Variants in MED12L observed in about 807,000 individuals in gnomAD.
MED12L encodes mediator complex subunit 12L, also known as mediator of RNA polymerase II transcription subunit 12-like protein.
MED12L carries 60 observed loss-of-function variants against 281.3 expected under a neutral mutation model. The observed-to-expected ratio is 0.21, with a 90% CI of 0.17 to 0.26. The LOEUF (loss-of-function observed/expected upper bound fraction) is 0.26. Among genes scored for constraint, MED12L ranks in the 10% least tolerant of loss-of-function variants. The probability of loss-of-function intolerance (pLI) is 1.00; values close to 1 mark genes in which losing one functional copy is unlikely to be tolerated. For missense variants in MED12L, 2,146 were observed against 2,680.9 expected (o/e 0.80, Z 4.41); for synonymous variants, 974 against 987.2 (o/e 0.99, Z 0.25).
chr3:151,201,786 C>T (rs894998561), intron 16 of MED12L, among the ~76,000 whole-genome samples: 3 of 152,262 alleles, frequency 2.0e-5, no homozygotes, highest in East Asian at 1.9e-4. Context: ...AACTAGTATT[C>T]GTGTGCATTG....
At chr3:151,338,702 C>T (rs1751378386) in intron 16 of MED12L, 1 of 1,613,486 alleles carries the variant, frequency 6.2e-7, no homozygotes, top group African/African-American at 1.3e-5. Context: ...GAAAGAAAAT[C>T]CTCATCGCCA....
chr3:151,098,306 G>A (rs79095036), intron 2 of MED12L, among the ~76,000 whole-genome samples: 2,776 of 152,332 alleles, frequency 0.018, 88 homozygotes, highest in African/African-American at 0.064. Flanking sequence ...TAGCTAGGTG[G>A]TCCCTGACAT....
chr3:151,232,248 G>A (rs747345012), intron 16 of MED12L, among the ~76,000 whole-genome samples: 1 of 152,032 alleles, frequency 6.6e-6, no homozygotes, highest in Non-Finnish European at 1.5e-5. Context: ...ATTGTTTGTA[G>A]CTCTTTGAGC....
intron 16 of MED12L, among the ~76,000 whole-genome samples, chr3:151,342,042 G>A (rs1187053716): frequency 1.3e-5 from 2 of 152,266 alleles, no homozygotes; most frequent in African/African-American, 2.4e-5. Flanking sequence ...AAACATACGT[G>A]TGCATGTGTC....
At chr3:151,198,858 G>T in intron 16 of MED12L, 1 of 1,613,656 alleles carries the variant, frequency 6.2e-7, no homozygotes, top group Non-Finnish European at 8.5e-7. Flanking sequence ...GTCAGCAAAT[G>T]CCAATTTCTT....
chr3:151,173,618 T>C (rs893616461), intron 11 of MED12L, among the ~76,000 whole-genome samples: 1 of 152,252 alleles, frequency 6.6e-6, no homozygotes, highest in Admixed American at 6.5e-5. Context: ...AATCCTCAAG[T>C]TGAGCACGCT....
intron 16 of MED12L, among the ~76,000 whole-genome samples, chr3:151,285,919 T>G (rs1743444660): frequency 6.6e-6 from 1 of 152,148 alleles, no homozygotes; most frequent in Non-Finnish European, 1.5e-5. Flanking sequence ...ATCTTGAACT[T>G]CCCAGCTTTC....
chr3:151,422,009 A>G (rs1343277794), intron 43 of MED12L, among the ~76,000 whole-genome samples: 1 of 152,134 alleles, frequency 6.6e-6, no homozygotes, highest in Non-Finnish European at 1.5e-5. Flanking sequence ...TCCTGCTGCT[A>G]TCTGGTGACA....
intron 11 of MED12L, among the ~76,000 whole-genome samples, chr3:151,184,866 G>A (rs1326761804): frequency 6.6e-6 from 1 of 152,144 alleles, no homozygotes; most frequent in African/African-American, 2.4e-5. Flanking sequence ...ATTTTGTATT[G>A]GAGTGGGTCA....
At chr3:151,160,662 G>A (rs890229305) in intron 8 of MED12L, among the ~76,000 whole-genome samples, 3 of 152,176 alleles carry the variant, frequency 2.0e-5, no homozygotes, top group Non-Finnish European at 4.4e-5. Flanking sequence ...CTCTTAATGT[G>A]TTCTGCTGTA....
intron 21 of MED12L, among the ~76,000 whole-genome samples, chr3:151,363,312 CAGAG>C (rs1308896895): frequency 5.9e-5 from 9 of 152,134 alleles, no homozygotes; most frequent in East Asian, 1.9e-4. Flanking sequence ...GCTGGATACA[CAGAG>C]AGATTTCTAT....
intron 16 of MED12L, among the ~76,000 whole-genome samples, chr3:151,242,432 C>G (rs1328123111): frequency 1.3e-5 from 2 of 152,174 alleles, no homozygotes; most frequent in African/African-American, 4.8e-5. Context: ...GATCTGAGAA[C>G]CGGCAGACTG....
intron 16 of MED12L, among the ~76,000 whole-genome samples, chr3:151,274,435 T>A (rs1231889277): frequency 6.6e-6 from 1 of 152,208 alleles, no homozygotes; most frequent in African/African-American, 2.4e-5. Context: ...ATAGGCATAT[T>A]TATAGTGGGG....
chr3:151,312,728 AGTG>A (rs1747716199), intron 16 of MED12L, among the ~76,000 whole-genome samples: 1 of 152,198 alleles, frequency 6.6e-6, no homozygotes, highest in Admixed American at 6.5e-5. Context: ...TGTGCCTAGA[AGTG>A]TTCTAAATTA....
At chr3:151,232,837 G>C (rs1577054441) in intron 16 of MED12L, among the ~76,000 whole-genome samples, 1 of 152,130 alleles carries the variant, frequency 6.6e-6, no homozygotes. Context: ...TTGGGTACTA[G>C]ACTTAGTACC....
chr3:151,375,701 G>A (rs771817167), intron 27 of MED12L, among the ~76,000 whole-genome samples: 11 of 151,976 alleles, frequency 7.2e-5, no homozygotes, highest in Non-Finnish European at 1.3e-4. Flanking sequence ...TCATTATATA[G>A]CAAGTTAGAA....
chr3:151,222,970 T>C (rs1454811970), intron 16 of MED12L, among the ~76,000 whole-genome samples: 6 of 152,170 alleles, frequency 3.9e-5, no homozygotes, highest in Admixed American at 3.9e-4. Flanking sequence ...AAATTGGTAT[T>C]TTATACCTAT....
chr3:151,379,675 A>C (rs935449055), intron 31 of MED12L, among the ~76,000 whole-genome samples: 1 of 152,224 alleles, frequency 6.6e-6, no homozygotes. Flanking sequence ...ACCCCAAAAC[A>C]AGCTCAACAG....
chr3:151,368,313 C>A, intron 25 of MED12L, 62 bp downstream of exon 25: 1 of 1,400,764 alleles, frequency 7.1e-7, no homozygotes, highest in Non-Finnish European at 1.0e-6. Context: ...TCTAAAATGA[C>A]CAAATAGGCT....
Sources: allele counts gnomAD v4.1 joint callset (sites outside exome capture counted in the v4.1 genomes callset), GRCh38; gene constraint gnomAD v4.1.1; transcripts MANE v1.5; gene names NCBI Gene and HGNC (gene_info 2026-07-23, HGNC 2026-07-21).